The following KALRN variants were observed in gnomAD, a reference collection of about 807,000 sequenced individuals.
KALRN encodes kalirin RhoGEF kinase.
Under a neutral mutation model 353.7 loss-of-function variants are expected in KALRN, and 70 were observed. That is an observed-to-expected ratio of 0.20 (90% CI 0.16 to 0.24). KALRN has a LOEUF of 0.24. KALRN is among the 10% of genes least tolerant of loss of function. The pLI, the probability that KALRN is intolerant of heterozygous loss-of-function variation, is 1.00. For synonymous variants in KALRN, 1,391 were observed against 1,434.8 expected, an observed-to-expected ratio of 0.97 and a Z score of 0.69; for missense variants, 2,791 against 3,756.7, an observed-to-expected ratio of 0.74 and a Z score of 6.72.
At chr3:124,544,973 G>C (rs888717150) in intron 33 of KALRN, among the ~76,000 whole-genome samples, 2 of 152,200 alleles carry the variant, frequency 1.3e-5, no homozygotes, top group African/African-American at 4.8e-5. Context: ...TAGTTGCTGT[G>C]GAATAAGGTG....
chr3:124,438,960 C>T lies in KALRN; in HGVS notation c.3121C>T (p.Leu1041=), dbSNP rs2093572390. 1 of 1,614,014 alleles carries T rather than the reference C, an allele frequency of 6.2e-7. No individual in the cohort carries two copies. The highest frequency in any genetic ancestry group is 8.5e-7 in the Non-Finnish European group (1 of 1,179,998). Residue 1041 remains leucine (L), a synonymous_variant, in exon 18 of 60, where the codon CTG becomes TTG. Transcript: ENST00000682506. ...DEDWCGGRDK[L]GPAAEIDHVI... ...GGACTGGTGTGGTGGACGAGATAAG[C>T]TGGGGCCAGCAGCAGAGATCGACCA...
intron 39 of KALRN, among the ~76,000 whole-genome samples, chr3:124,656,991 G>A (rs1363337430): frequency 6.6e-6 from 1 of 152,066 alleles, no homozygotes; most frequent in Admixed American, 6.5e-5. Context: ...CAGGTGCCTG[G>A]GTTTTCTTGT....
At position 124,035,739 on chromosome 3, in the gene KALRN, A is replaced by T. The variant is rs143050548; in HGVS notation, c.73+1926A>T. On this transcript the variant is annotated intron_variant, in intron 1 of 59. Transcript: ENST00000682506. ...CACAAGGTGTGGCACACATTATCTA[A>T]CCCTGGCTCAAATCACAGAATAAAT... Among the ~76,000 whole-genome samples the T allele has an allele frequency of 2.7e-3, 408 of 152,354 alleles. 1 individual carries two copies. Among genetic ancestry groups the T allele is most frequent in the African/African-American group, 9.2e-3 (384 of 41,570 alleles).
chr3:124,160,745 A>T (rs528121052), intron 1 of KALRN, among the ~76,000 whole-genome samples: 1 of 152,208 alleles, frequency 6.6e-6, no homozygotes, highest in East Asian at 1.9e-4. Flanking sequence ...TGGGATGCAC[A>T]CTGGGAGCCT....
At chr3:124,152,265 C>A in intron 1 of KALRN, 1 of 1,430,770 alleles carries the variant, frequency 7.0e-7, no homozygotes, top group Non-Finnish European at 9.7e-7. Flanking sequence ...GATTTGGGTA[C>A]CCCTATGCAA....
intron 34 of KALRN, among the ~76,000 whole-genome samples, chr3:124,589,311 G>C (rs540484539): frequency 1.3e-5 from 2 of 152,188 alleles, no homozygotes; most frequent in Non-Finnish European, 2.9e-5. Flanking sequence ...GACATTCACT[G>C]TTGTTGACTT....
At chr3:124,108,694 G>A (rs181089098) in intron 1 of KALRN, among the ~76,000 whole-genome samples, 3 of 152,318 alleles carry the variant, frequency 2.0e-5, no homozygotes, top group African/African-American at 7.2e-5. Context: ...GAGTGACTAT[G>A]ATGATCACAG....
rs752771351 is a variant in KALRN at position 124,434,164 on chromosome 3, G to T, written c.2830-143G>T. 4.9e-6 allele frequency: 3 copies of T among 609,458 alleles called. No homozygotes were observed. In the African/African-American group the frequency reaches 5.6e-5, roughly 11 times the overall value. 37.8% of individuals were successfully genotyped at this position (609,458 alleles called of 1,614,324 possible). On this transcript the variant is annotated intron_variant, in intron 16 of 59. Transcript: ENST00000682506. ...TTAAATATGCTTTAAAAATAATAAT[G>T]TATTAATGGTCATGACAAAATGGAT...
chr3:124,218,342 G>A (rs1346689969), intron 1 of KALRN, among the ~76,000 whole-genome samples: 3 of 152,192 alleles, frequency 2.0e-5, no homozygotes, highest in Non-Finnish European at 2.9e-5. Context: ...GTCCCAAGGA[G>A]CAAAGCTTTT....
intron 1 of KALRN, among the ~76,000 whole-genome samples, chr3:124,134,290 C>G (rs1285440327): frequency 1.3e-5 from 2 of 152,106 alleles, no homozygotes; most frequent in African/African-American, 4.8e-5. Context: ...AAAGGACACC[C>G]TTTTCAACAA....
chr3:124,286,079 C>CT (rs376110673), intron 5 of KALRN, among the ~76,000 whole-genome samples: 42,283 of 106,904 alleles, frequency 0.4, 7,595 homozygotes, highest in East Asian at 0.48. Context: ...TCTTTCTTTC[C>CT]TTCCTTTCTT....
At chr3:124,190,148 G>A (rs2074731350) in intron 1 of KALRN, among the ~76,000 whole-genome samples, 1 of 152,108 alleles carries the variant, frequency 6.6e-6, no homozygotes, top group South Asian at 2.1e-4. Flanking sequence ...CTGAAAGACA[G>A]CAAAGGACTA....
chr3:124,407,175 A>T (rs1057217977), intron 13 of KALRN, among the ~76,000 whole-genome samples: 2 of 152,132 alleles, frequency 1.3e-5, no homozygotes, highest in Non-Finnish European at 2.9e-5. Context: ...ATGGAAACGA[A>T]ATAATATTTC....
At chr3:124,372,093 G>T (rs2085921900) in intron 10 of KALRN, among the ~76,000 whole-genome samples, 1 of 152,110 alleles carries the variant, frequency 6.6e-6, no homozygotes, top group Non-Finnish European at 1.5e-5. Flanking sequence ...ATGACCTCCA[G>T]TTCCATCCAC....
At chr3:124,710,843 T>C (rs138808700) in intron 57 of KALRN, among the ~76,000 whole-genome samples, 20 of 152,340 alleles carry the variant, frequency 1.3e-4, no homozygotes, top group African/African-American at 4.8e-4. Flanking sequence ...GATAGTTGAC[T>C]TTTTAAACCA....
At chr3:124,694,298 T>C (rs751823048) in intron 52 of KALRN, 34 bp from the exon 53 acceptor site, 16 of 1,597,328 alleles carry the variant, frequency 1.0e-5, no homozygotes, top group Non-Finnish European at 1.4e-5. Flanking sequence ...AAATTTGCTC[T>C]GAATGATGTT....
chr3:124,536,200 T>TC (rs1231712190), intron 33 of KALRN, among the ~76,000 whole-genome samples: 1 of 145,788 alleles, frequency 6.9e-6, no homozygotes, highest in African/African-American at 2.6e-5. Context: ...CATACTCTTT[T>TC]TTTTTTTTTT....
intron 9 of KALRN, among the ~76,000 whole-genome samples, chr3:124,339,165 G>T (rs974971891): frequency 1.3e-5 from 2 of 152,180 alleles, no homozygotes; most frequent in African/African-American, 4.8e-5. Context: ...AGACAGCAAG[G>T]TACCAGGCAG....
At chr3:124,539,337 G>A (rs1467190549) in intron 33 of KALRN, among the ~76,000 whole-genome samples, 1 of 152,216 alleles carries the variant, frequency 6.6e-6, no homozygotes, top group Non-Finnish European at 1.5e-5. Context: ...TTGATCCTCT[G>A]AGGGAGATAG....
Sources: allele counts gnomAD v4.1 joint callset (sites outside exome capture counted in the v4.1 genomes callset), GRCh38; gene constraint gnomAD v4.1.1; transcripts MANE v1.5; gene names NCBI Gene and HGNC (gene_info 2026-07-23, HGNC 2026-07-21).